DLC1: variants seen among roughly 807,000 people sequenced by gnomAD.
DLC1 encodes the protein rho GTPase-activating protein 7.
DLC1 carries 54 observed loss-of-function variants against 140.3 expected under a neutral mutation model. That is an observed-to-expected ratio of 0.38 (90% CI 0.31 to 0.48). DLC1 has a LOEUF of 0.48. DLC1 is among the 20% of genes least tolerant of loss of function. The pLI, the probability that DLC1 is intolerant of heterozygous loss-of-function variation, is 0.96. For missense variants in DLC1, 2,536 were observed against 1,907.0 expected (o/e 1.33, Z -6.14); for synonymous variants, 986 against 728.1 (o/e 1.35, Z -5.70).
intron 4 of DLC1, among the ~76,000 whole-genome samples, chr8:13,348,859 C>T (rs766580808): frequency 1.3e-5 from 2 of 152,154 alleles, no homozygotes; most frequent in Non-Finnish European, 2.9e-5. Context: ...GAGCTGTATT[C>T]TCAACCTTCT....
intron 2 of DLC1, among the ~76,000 whole-genome samples, chr8:13,408,017 C>T (rs1837639042): frequency 6.6e-6 from 1 of 152,136 alleles, no homozygotes; most frequent in Admixed American, 6.5e-5. Context: ...TGAAGATTTT[C>T]ATGTAAATTG....
chr8:13,358,070 A>T (rs556176038), intron 4 of DLC1, among the ~76,000 whole-genome samples: 101 of 152,278 alleles, frequency 6.6e-4, no homozygotes, highest in African/African-American at 2.1e-3. Context: ...TTTTCTGAAA[A>T]CCTGCAGACA....
chr8:13,478,084 G>A (rs558812984), intron 2 of DLC1, among the ~76,000 whole-genome samples: 4 of 152,096 alleles, frequency 2.6e-5, no homozygotes, highest in Non-Finnish European at 4.4e-5. Context: ...AGAAATACCC[G>A]AGACTGGGTA....
At chr8:13,586,679 C>A (rs543620715) in intron 1 of DLC1, among the ~76,000 whole-genome samples, 1 of 150,230 alleles carries the variant, frequency 6.7e-6, no homozygotes, top group Admixed American at 6.6e-5. Context: ...CCAACGGTAC[C>A]CTTCTCTAGT....
intron 2 of DLC1, among the ~76,000 whole-genome samples, chr8:13,461,911 G>A (rs1236708589): frequency 6.6e-6 from 1 of 152,126 alleles, no homozygotes; most frequent in East Asian, 1.9e-4. Flanking sequence ...TGCTTCTGTG[G>A]ATCTACCAGC....
intron 2 of DLC1, among the ~76,000 whole-genome samples, chr8:13,487,158 CCTCTT>C (rs1424690693): frequency 6.6e-6 from 1 of 152,148 alleles, no homozygotes; most frequent in Non-Finnish European, 1.5e-5. Flanking sequence ...GTGCTTGTCA[CCTCTT>C]CTACTCCAGG....
At chr8:13,268,386 C>G (rs1262875366) in intron 5 of DLC1, among the ~76,000 whole-genome samples, 1 of 152,072 alleles carries the variant, frequency 6.6e-6, no homozygotes, top group Non-Finnish European at 1.5e-5. Context: ...GCGATCTCGG[C>G]TCACTGCAAG....
intron 5 of DLC1, among the ~76,000 whole-genome samples, chr8:13,130,113 T>C (rs1463667255): frequency 6.6e-6 from 1 of 152,182 alleles, no homozygotes; most frequent in Admixed American, 6.5e-5. Context: ...TATTTTCCAA[T>C]TGCATATTTA....
chr8:13,304,494 C>T (rs1231568685), intron 5 of DLC1: 2 of 230,562 alleles, frequency 8.7e-6, no homozygotes, highest in Non-Finnish European at 7.1e-6. Context: ...CAGACAAACT[C>T]TACTGCTTTA....
intron 4 of DLC1, among the ~76,000 whole-genome samples, chr8:13,375,412 A>G (rs1314658625): frequency 6.6e-6 from 1 of 152,128 alleles, no homozygotes; most frequent in Non-Finnish European, 1.5e-5. Flanking sequence ...TTTTGGGTTG[A>G]GACGTTGGAG....
intron 5 of DLC1, among the ~76,000 whole-genome samples, chr8:13,252,821 G>T (rs1415840853): frequency 6.6e-6 from 1 of 152,158 alleles, no homozygotes; most frequent in East Asian, 1.9e-4. Context: ...AAATAGTAAT[G>T]ACACAGGAAA....
intron 2 of DLC1, among the ~76,000 whole-genome samples, chr8:13,485,822 G>A (rs1017331543): frequency 6.6e-6 from 1 of 152,182 alleles, no homozygotes; most frequent in African/African-American, 2.4e-5. Flanking sequence ...GAGTTGCCCA[G>A]GAAAGGCTCA....
At chr8:13,375,213 G>A (rs1238511962) in intron 4 of DLC1, among the ~76,000 whole-genome samples, 6 of 152,040 alleles carry the variant, frequency 3.9e-5, no homozygotes, top group African/African-American at 1.5e-4. Flanking sequence ...ATTTTTAGTA[G>A]AGACGGGGTT....
At chr8:13,335,962 C>T (rs1381549173) in intron 4 of DLC1, among the ~76,000 whole-genome samples, 1 of 151,824 alleles carries the variant, frequency 6.6e-6, no homozygotes, top group Non-Finnish European at 1.5e-5. Context: ...AATTATAAAA[C>T]ATTAAATTAT....
chr8:13,543,368 C>A (rs954403898), intron 1 of DLC1, among the ~76,000 whole-genome samples: 17 of 152,118 alleles, frequency 1.1e-4, no homozygotes, highest in Non-Finnish European at 2.2e-4. Context: ...ATAGCTAGTG[C>A]AGTCATCTGG....
At chr8:13,441,500 C>T (rs935369506) in intron 2 of DLC1, among the ~76,000 whole-genome samples, 1 of 152,224 alleles carries the variant, frequency 6.6e-6, no homozygotes, top group Non-Finnish European at 1.5e-5. Flanking sequence ...GGATAGGCAA[C>T]TTCAGCAAAG....
At chr8:13,146,413 A>G (rs1237599713) in intron 5 of DLC1, among the ~76,000 whole-genome samples, 2 of 152,078 alleles carry the variant, frequency 1.3e-5, no homozygotes, top group African/African-American at 4.8e-5. Flanking sequence ...GAAAAGTTCC[A>G]TAACTAGTGA....
intron 5 of DLC1, among the ~76,000 whole-genome samples, chr8:13,131,905 G>C (rs1181462997): frequency 2.0e-5 from 3 of 152,102 alleles, no homozygotes; most frequent in Non-Finnish European, 4.4e-5. Context: ...GGACGCTCGC[G>C]GACGCAGCAA....
intron 5 of DLC1, among the ~76,000 whole-genome samples, chr8:13,257,463 C>T (rs1009716507): frequency 2.1e-5 from 3 of 140,704 alleles, no homozygotes; most frequent in Non-Finnish European, 4.6e-5. Context: ...AAAAAAGCAA[C>T]AATTCTGACA....
Sources: gnomAD v4.1 joint callset for allele counts (sites outside exome capture counted in the v4.1 genomes callset) on GRCh38, gnomAD v4.1.1 for gene constraint, MANE v1.5 for transcripts, NCBI Gene and HGNC (gene_info 2026-07-23, HGNC 2026-07-21) for gene names.